COL5A2: variants seen among roughly 807,000 people sequenced by gnomAD.
COL5A2 encodes collagen alpha-2(V) chain.
A neutral mutation model predicts 208.2 loss-of-function variants in COL5A2; 23 were observed. That is an observed-to-expected ratio of 0.11 (90% CI 0.08 to 0.16). The LOEUF is 0.16. COL5A2 is among the 10% of genes least tolerant of loss of function. COL5A2 has a pLI of 1.00. For missense variants in COL5A2, 1,590 were observed against 1,956.4 expected (o/e 0.81, Z 3.53); for synonymous variants, 625 against 628.5 (o/e 0.99, Z 0.08).
At chr2:189,400,870 C>T in the COL5A2 span, among the ~76,000 whole-genome samples, 122,091 of 152,108 alleles carry the variant, frequency 0.8, 50,483 homozygotes, top group Non-Finnish European at 0.91. Flanking sequence ...GGCAAGAGTC[C>T]TTTGGCTTTC....
intron 1 of COL5A2, among the ~76,000 whole-genome samples, chr2:189,113,607 CTTA>C (rs1347530619): frequency 1.3e-5 from 2 of 148,500 alleles, no homozygotes; most frequent in African/African-American, 4.9e-5. Flanking sequence ...ATATAATTAA[CTTA>C]TTATATAATT....
intron 8 of COL5A2, among the ~76,000 whole-genome samples, chr2:189,087,897 C>CA (rs959005780): frequency 3.3e-5 from 5 of 150,702 alleles, no homozygotes; most frequent in African/African-American, 7.3e-5. Flanking sequence ...ACATGCAACT[C>CA]AAAAAAAAGT....
the COL5A2 span, among the ~76,000 whole-genome samples, chr2:189,367,796 G>T: frequency 2.6e-5 from 4 of 152,082 alleles, no homozygotes; most frequent in Non-Finnish European, 5.9e-5. Flanking sequence ...CATATTGCCT[G>T]CCATGGGCCT....
chr2:189,438,285 G>T, the COL5A2 span, among the ~76,000 whole-genome samples: 1 of 151,606 alleles, frequency 6.6e-6, no homozygotes, highest in Non-Finnish European at 1.5e-5. Context: ...AAATAGTACA[G>T]TAACTCTGGG....
the COL5A2 span, among the ~76,000 whole-genome samples, chr2:189,314,104 T>C: frequency 2.6e-5 from 4 of 152,114 alleles, no homozygotes; most frequent in South Asian, 2.1e-4. Context: ...CTAATAGATA[T>C]CTATAGAACT....
At chr2:189,084,112 A>G (rs1054246174) in intron 11 of COL5A2, 75 bp from the exon 12 acceptor site, 53 of 974,628 alleles carry the variant, frequency 5.4e-5, no homozygotes, top group African/African-American at 1.3e-4. Context: ...TAAATGATAA[A>G]TAAATTACTA....
At chr2:189,053,760 G>T in intron 37 of COL5A2, 135 bp downstream of exon 37, 1 of 875,552 alleles carries the variant, frequency 1.1e-6, no homozygotes, top group African/African-American at 1.7e-5. Context: ...AATTAGAAAA[G>T]CAAAAGCTAA....
chr2:189,201,485 C>T (rs570330537), intron 1 of COL5A2, among the ~76,000 whole-genome samples: 11 of 151,640 alleles, frequency 7.3e-5, no homozygotes, highest in South Asian at 6.2e-4. Flanking sequence ...TTAGAGTACA[C>T]GGTACTAACA....
At chr2:189,155,751 G>A (rs923667286) in intron 1 of COL5A2, among the ~76,000 whole-genome samples, 2 of 151,652 alleles carry the variant, frequency 1.3e-5, no homozygotes, top group African/African-American at 2.4e-5. Context: ...CACAAACCTC[G>A]TGATTTAAAA....
In COL5A2 at chr2:189,036,816, A is replaced by G; in HGVS notation, c.3926-13T>C. The G allele has an allele frequency of 6.3e-7, 1 of 1,593,590 alleles. No homozygotes were observed. The highest frequency in any genetic ancestry group is 8.6e-7 in the Non-Finnish European group (1 of 1,164,662). ...ATCCAGTATTCACCTATTTTTCAAA[A>G]TAGAAATTTTACTAAATAAAGACAA... is the stretch of plus-strand genomic sequence containing the variant. On this transcript the variant is annotated splice_polypyrimidine_tract_variant and intron_variant, in intron 51 of 53. Coordinates refer to ENST00000374866, the MANE Select transcript of COL5A2 (RefSeq NM_000393.5).
rs1685416006 is a variant in COL5A2, at chr2:189,035,060, G to A, written c.4209C>T (p.Tyr1403=). Residue 1403 remains tyrosine (Y), a synonymous_variant, in exon 53 of 54, where the codon TAC becomes TAT. Coordinates refer to ENST00000374866, the MANE Select transcript of COL5A2 (RefSeq NM_000393.5). ...LSKEASQNIT[Y]ICKNSVGYMD... Reference sequence around the variant, plus strand: ...TGTATCCTACACTGTTTTTACAGATGTAAGTGATGTTCTGGGAGGCTTCTT... The same window carrying A: ...TGTATCCTACACTGTTTTTACAGATATAAGTGATGTTCTGGGAGGCTTCTT... 2 of 1,613,748 alleles carry A rather than the reference G, an allele frequency of 1.2e-6. No homozygotes were observed.
the COL5A2 span, among the ~76,000 whole-genome samples, chr2:189,248,108 A>G: frequency 6.6e-6 from 1 of 152,228 alleles, no homozygotes; most frequent in South Asian, 2.1e-4. Flanking sequence ...TAGCTCTAAA[A>G]TATTCATAAA....
the COL5A2 span, among the ~76,000 whole-genome samples, chr2:189,252,168 T>G: frequency 6.6e-6 from 1 of 152,188 alleles, no homozygotes; most frequent in African/African-American, 2.4e-5. Context: ...TTGGTGGGAC[T>G]GTAAACTAGT....
rs1464584520 is a variant in COL5A2 at position 189,043,268 on chromosome 2, G to C, written c.3364-10C>G. 2.5e-6 allele frequency: 4 copies of C among 1,582,456 alleles called. No individual in the cohort carries two copies. Among genetic ancestry groups the C allele is most frequent in the Non-Finnish European group, 3.5e-6 (4 of 1,151,482 alleles). On this transcript the variant is annotated splice_polypyrimidine_tract_variant and intron_variant, in intron 47 of 53. Transcript: ENST00000374866. ...GAGGTCCTTGGGGTCCCTAGAAATA[G>C]AGATATGGCATGAAAATTACTTGCT... is the stretch of plus-strand genomic sequence containing the variant.
the COL5A2 span, among the ~76,000 whole-genome samples, chr2:189,343,725 G>T: frequency 1.3e-5 from 2 of 152,038 alleles, no homozygotes; most frequent in Non-Finnish European, 2.9e-5. Context: ...TTAAATCCAT[G>T]GGTATTTTTG....
At chr2:189,295,701 C>G in the COL5A2 span, among the ~76,000 whole-genome samples, 2 of 152,136 alleles carry the variant, frequency 1.3e-5, no homozygotes, top group Non-Finnish European at 2.9e-5. Context: ...ATGTATACAG[C>G]ACATAGACAA....
At chr2:189,356,023 C>T in the COL5A2 span, among the ~76,000 whole-genome samples, 5 of 152,084 alleles carry the variant, frequency 3.3e-5, no homozygotes, top group Non-Finnish European at 5.9e-5. Flanking sequence ...TTTTATTTCT[C>T]CTTCACTTGT....
the COL5A2 span, among the ~76,000 whole-genome samples, chr2:189,323,392 C>T: frequency 1.3e-5 from 2 of 152,174 alleles, no homozygotes; most frequent in Non-Finnish European, 2.9e-5. Flanking sequence ...TCACTGTTTG[C>T]AGATGACATG....
the COL5A2 span, among the ~76,000 whole-genome samples, chr2:189,363,130 A>G: frequency 6.6e-6 from 1 of 152,130 alleles, no homozygotes; most frequent in Admixed American, 6.5e-5. Flanking sequence ...CTTCCTTTCC[A>G]AAACTAACAC....
Sources: gnomAD v4.1 joint callset for allele counts (sites outside exome capture counted in the v4.1 genomes callset) on GRCh38, gnomAD v4.1.1 for gene constraint, MANE v1.5 for transcripts, NCBI Gene and HGNC (gene_info 2026-07-23, HGNC 2026-07-21) for gene names.